ETFA: variants seen among roughly 807,000 people sequenced by gnomAD.
ETFA encodes electron transfer flavoprotein subunit alpha, also known as electron transfer flavoprotein subunit alpha, mitochondrial.
ETFA carries 22 observed loss-of-function variants against 46.2 expected under a neutral mutation model. That is an observed-to-expected ratio of 0.48 (90% CI 0.34 to 0.68). ETFA has a LOEUF of 0.68. Among genes scored for constraint, ETFA ranks in the 30% least tolerant of loss-of-function variants. ETFA has a pLI of 0.01. For synonymous variants in ETFA, 131 were observed against 139.9 expected, an observed-to-expected ratio of 0.94 and a Z score of 0.45; for missense variants, 345 against 401.1, an observed-to-expected ratio of 0.86 and a Z score of 1.19.
chr15:76,252,547 G>C (rs1365109075), intron 9 of ETFA, among the ~76,000 whole-genome samples: 1 of 152,218 alleles, frequency 6.6e-6, no homozygotes, highest in East Asian at 1.9e-4. Context: ...CCCAAGTGCA[G>C]AGGATCTGCC....
At chr15:76,295,936 C>CTTTTTTTGTTTTTTTTTTTTTTTTTTTTT (rs2039816685) in intron 1 of ETFA, among the ~76,000 whole-genome samples, 199 bp from the exon 2 acceptor site, 1 of 46,602 alleles carries the variant, frequency 2.1e-5, no homozygotes, top group Non-Finnish European at 4.2e-5. Context: ...CACTAATATT[C>CTTTTTTTGTTTTTTTTTTTTTTTTTTTTT]TTTTTTTTTT....
intron 9 of ETFA, among the ~76,000 whole-genome samples, chr15:76,268,274 A>G (rs760065775): frequency 1.3e-5 from 2 of 150,956 alleles, no homozygotes; most frequent in Non-Finnish European, 2.9e-5. Flanking sequence ...TTTGCAGGAG[A>G]TGAAAAAACT....
chr15:76,304,328 A>C (rs902750886), intron 1 of ETFA, among the ~76,000 whole-genome samples: 4 of 152,110 alleles, frequency 2.6e-5, no homozygotes, highest in African/African-American at 7.2e-5. Flanking sequence ...TCAAAAAATT[A>C]CCTATTGGAT....
At chr15:76,230,851 G>T (rs1452726261) in intron 10 of ETFA, 1 of 160,288 alleles carries the variant, frequency 6.2e-6, no homozygotes, top group African/African-American at 2.4e-5. Context: ...AACAACCCAA[G>T]AAGTGGGGCC....
At chr15:76,278,496 T>A (rs559340920) in intron 8 of ETFA, among the ~76,000 whole-genome samples, 1 of 152,270 alleles carries the variant, frequency 6.6e-6, no homozygotes, top group Admixed American at 6.5e-5. Context: ...TTAAGCAACC[T>A]CTCCAGTTTT....
intron 9 of ETFA, among the ~76,000 whole-genome samples, chr15:76,243,502 T>G (rs983706863): frequency 7.2e-5 from 11 of 152,016 alleles, no homozygotes; most frequent in African/African-American, 2.7e-4. Context: ...CTTCAAAATT[T>G]TACTTTAAAT....
Position 76,292,470 on chromosome 15 carries a change from A to C in ETFA, c.312T>G (p.Asn104Lys), listed in dbSNP as rs1432732280. ...PLILATQKQF[N>K]YTHICAGASA... ...ATGCTCCAGCACAGATGTGTGTGTA[A>C]TTGAACTGCTTCTGAGTTGCCAAAA... Residue 104 changes from asparagine (N) to lysine (K), a missense_variant, in exon 4 of 12, where the codon AAT becomes AAG. Asn to Lys is a moderately conservative substitution (Grantham distance 94, BLOSUM62 0). Transcript: ENST00000557943. 1.9e-6 allele frequency: 3 copies of C among 1,613,894 alleles called. No homozygotes were observed. Among genetic ancestry groups the C allele is most frequent in the Non-Finnish European group, 1.7e-6 (2 of 1,179,848 alleles).
intron 9 of ETFA, among the ~76,000 whole-genome samples, chr15:76,273,150 C>T (rs188576709): frequency 1.6e-4 from 25 of 152,130 alleles, no homozygotes; most frequent in East Asian, 1.2e-3. Flanking sequence ...AAATACAACA[C>T]ACATCTGACA....
intron 1 of ETFA, among the ~76,000 whole-genome samples, chr15:76,296,812 A>C (rs1323086553): frequency 6.6e-6 from 1 of 152,234 alleles, no homozygotes; most frequent in Non-Finnish European, 1.5e-5. Flanking sequence ...TTTCACAGGA[A>C]ATTAGACTTG....
chr15:76,282,115 G>A (rs2039660416), intron 8 of ETFA, among the ~76,000 whole-genome samples: 1 of 151,854 alleles, frequency 6.6e-6, no homozygotes, highest in Non-Finnish European at 1.5e-5. Context: ...CGTTGGCCAG[G>A]CTAGTCTCAA....
intron 9 of ETFA, among the ~76,000 whole-genome samples, chr15:76,251,931 A>G (rs1382137237): frequency 6.6e-6 from 1 of 152,206 alleles, no homozygotes; most frequent in Non-Finnish European, 1.5e-5. Flanking sequence ...GGTATTGTTG[A>G]GGATGTCAAT....
At position 76,286,353 on chromosome 15, in the gene ETFA, C is replaced by G; in HGVS notation, c.562+18G>C. ...AAAAGTAAGAAACAAAACAAAAAAA[C>G]TCCAAATGAACACTCACCCTTTTCT... On this transcript the variant is annotated intron_variant, in intron 6 of 11. Transcript: ENST00000557943. The G allele has an allele frequency of 6.7e-7, 1 of 1,497,364 alleles. No homozygotes were observed. The highest frequency in any genetic ancestry group is 9.3e-7 in the Non-Finnish European group (1 of 1,077,016). 92.8% of individuals were successfully genotyped at this position (1,497,364 alleles called of 1,614,324 possible).
intron 9 of ETFA, chr15:76,261,595 G>T: frequency 2.0e-6 from 1 of 492,332 alleles, no homozygotes; most frequent in South Asian, 2.7e-5. Flanking sequence ...CGGACTCTGG[G>T]AGCAGCAGAG....
At chr15:76,305,049 A>AAAG (rs1555459755) in intron 1 of ETFA, among the ~76,000 whole-genome samples, 2 of 150,560 alleles carry the variant, frequency 1.3e-5, no homozygotes, top group Non-Finnish European at 2.9e-5. Flanking sequence ...TCAAAAAAAA[A>AAAG]AAAGAAAGAA....
intron 9 of ETFA, among the ~76,000 whole-genome samples, chr15:76,248,772 G>A (rs2039267114): frequency 6.6e-6 from 1 of 152,044 alleles, no homozygotes; most frequent in South Asian, 2.1e-4. Flanking sequence ...AGCTACTCAG[G>A]AGGCTGAGGT....
intron 8 of ETFA, among the ~76,000 whole-genome samples, chr15:76,278,045 T>G (rs1331812996): frequency 3.3e-5 from 5 of 152,176 alleles, no homozygotes; most frequent in Non-Finnish European, 5.9e-5. Flanking sequence ...TTTTACTTGT[T>G]GTTAGGACAG....
Position 76,261,262 on chromosome 15 carries a change from G to A in ETFA, c.816+13150C>T, listed in dbSNP as rs189224222. 26 of 1,572,176 alleles carry A rather than the reference G, an allele frequency of 1.7e-5. No individual in the cohort carries two copies. The East Asian group carries it at 3.2e-4, about 19-fold the overall frequency. On this transcript the variant is annotated intron_variant, in intron 9 of 11. Transcript: ENST00000557943. ...TTGGAAAGGGGCATTGGGTGGCACTGCCAGATCTTTTGGCTCCACTGTGAA... is the reference window on the plus strand; with the variant it reads ...TTGGAAAGGGGCATTGGGTGGCACTACCAGATCTTTTGGCTCCACTGTGAA...
At chr15:76,235,545 G>A (rs1338192711) in intron 9 of ETFA, among the ~76,000 whole-genome samples, 2 of 152,228 alleles carry the variant, frequency 1.3e-5, no homozygotes, top group East Asian at 1.9e-4. Flanking sequence ...ATAGGAAAGA[G>A]TTGAGCAGCA....
chr15:76,234,574 G>C (rs187659707), intron 9 of ETFA, among the ~76,000 whole-genome samples: 1 of 152,110 alleles, frequency 6.6e-6, no homozygotes, highest in Admixed American at 6.6e-5. Flanking sequence ...GGTGGGGGAC[G>C]GTGGGGATTA....
Sources: gnomAD v4.1 joint callset for allele counts (sites outside exome capture counted in the v4.1 genomes callset) on GRCh38, gnomAD v4.1.1 for gene constraint, MANE v1.5 for transcripts, NCBI Gene and HGNC (gene_info 2026-07-23, HGNC 2026-07-21) for gene names.